Variants in ADAMTSL3 observed in about 807,000 individuals in gnomAD.
The protein encoded by ADAMTSL3 is ADAMTS like 3.
In ADAMTSL3, 128 loss-of-function variants were observed where a neutral mutation model predicts 201.7. The observed-to-expected ratio is 0.63, with a 90% CI of 0.55 to 0.73. The LOEUF is 0.73. ADAMTSL3 is among the 30% of genes least tolerant of loss of function. The pLI is 0.00. For missense variants in ADAMTSL3, 1,990 were observed against 2,119.6 expected, an observed-to-expected ratio of 0.94 and a Z score of 1.20; for synonymous variants, 738 against 748.4, an observed-to-expected ratio of 0.99 and a Z score of 0.23.
rs562963050 is a variant in ADAMTSL3 at position 83,782,816 on chromosome 15, C to A, written c.317+9166C>A. ...GTGACAAAATAATCTGTCCAACAAA[C>A]CCCCATGGGAAAAGTTTACCTATAT... On this transcript the variant is annotated intron_variant, in intron 4 of 29. Transcript: ENST00000286744. Among the ~76,000 whole-genome samples, 5 of 151,800 alleles carry A rather than the reference C, an allele frequency of 3.3e-5. No individual in the cohort carries two copies. In the South Asian group the frequency reaches 1.0e-3, roughly 31 times the overall value.
rs775563030 is a variant in ADAMTSL3, at chr15:83,874,473, G to T, written c.960+3514G>T. 4.9e-5 allele frequency among the ~76,000 whole-genome samples: 7 copies of T among 144,166 alleles called. 2 individuals are homozygous for T. The highest frequency in any genetic ancestry group is 7.5e-5 in the Non-Finnish European group (5 of 66,400). 94.6% of individuals were successfully genotyped at this position (144,166 alleles called of 152,430 possible). A position where few individuals can be genotyped will look rare whatever the true frequency, so the allele number is the denominator to read the frequency against. ...ATTTAGTGTACTCCTGACTGGCCAGGGGGTGACATGGTGCTGGCAAAATGA... is the reference window on the plus strand; with the variant it reads ...ATTTAGTGTACTCCTGACTGGCCAGTGGGTGACATGGTGCTGGCAAAATGA... On this transcript the variant is annotated intron_variant, in intron 9 of 29. Transcript: ENST00000286744.
At chr15:83,773,370 T>G (rs2063016528) in intron 3 of ADAMTSL3, among the ~76,000 whole-genome samples, 153 bp from the exon 4 acceptor site, 1 of 151,962 alleles carries the variant, frequency 6.6e-6, no homozygotes, top group South Asian at 2.1e-4. Context: ...ATTGTGCCAT[T>G]GCACTCCTGG....
At chr15:83,900,007 C>T (rs978137793) in intron 15 of ADAMTSL3, among the ~76,000 whole-genome samples, 1 of 152,164 alleles carries the variant, frequency 6.6e-6, no homozygotes, top group Non-Finnish European at 1.5e-5. Flanking sequence ...GGGATAATTT[C>T]TAGGTTTTAA....
intron 2 of ADAMTSL3, among the ~76,000 whole-genome samples, chr15:83,683,793 A>C (rs775031809): frequency 6.6e-6 from 1 of 151,898 alleles, no homozygotes; most frequent in Non-Finnish European, 1.5e-5. Flanking sequence ...CCCTTTCCAC[A>C]CTTGTCTCAT....
At chr15:83,970,747 C>A in intron 20 of ADAMTSL3, 110 bp downstream of exon 20, 1 of 1,372,810 alleles carries the variant, frequency 7.3e-7, no homozygotes, top group Non-Finnish European at 1.0e-6. Context: ...GGTAAGGCAA[C>A]TCAAGCTGTA....
At chr15:83,952,625 G>A (rs1179403602) in intron 19 of ADAMTSL3, among the ~76,000 whole-genome samples, 1 of 152,014 alleles carries the variant, frequency 6.6e-6, no homozygotes, top group Non-Finnish European at 1.5e-5. Flanking sequence ...GTGCTCCAGT[G>A]TTTAGTGCAT....
At chr15:83,930,431 C>T (rs898830127) in intron 17 of ADAMTSL3, among the ~76,000 whole-genome samples, 2 of 152,136 alleles carry the variant, frequency 1.3e-5, no homozygotes, top group Non-Finnish European at 2.9e-5. Flanking sequence ...CCATTGCCCA[C>T]CAAACCAGAA....
chr15:83,969,227 C>T (rs1309808788), intron 19 of ADAMTSL3, among the ~76,000 whole-genome samples: 5 of 152,078 alleles, frequency 3.3e-5, no homozygotes, highest in African/African-American at 9.7e-5. Flanking sequence ...AGGTGGATCA[C>T]GAGGTCAGGA....
rs534824304 is a variant in ADAMTSL3, at chr15:83,974,302, T to C, written c.2644+3665T>C. 3.9e-5 allele frequency among the ~76,000 whole-genome samples: 6 copies of C among 152,338 alleles called. No homozygotes were observed. The East Asian group carries it at 9.7e-4, about 25-fold the overall frequency. On this transcript the variant is annotated intron_variant, in intron 20 of 29. Transcript: ENST00000286744. ...GACACTGAGCAAGTTATTTAACCTA[T>C]GTGGGTCTCAGTTTTCTCATCTGTA... is the stretch of plus-strand genomic sequence containing the variant.
At position 83,829,106 on chromosome 15, in the gene ADAMTSL3, A is replaced by G. The variant is rs995225468; in HGVS notation, c.601-8983A>G. ...GAATAGTTTCAGAAGGAATGGTACC[A>G]GCTCCTCCTTGTACCTCTGGAAGAA... is the stretch of plus-strand genomic sequence containing the variant. On this transcript the variant is annotated intron_variant, in intron 6 of 29. Coordinates refer to ENST00000286744, the MANE Select transcript of ADAMTSL3 (RefSeq NM_207517.3). Among the ~76,000 whole-genome samples, 70 of 152,328 alleles carry G rather than the reference A, an allele frequency of 4.6e-4. 1 individual carries two copies. Among genetic ancestry groups the G allele is most frequent in the Admixed American group, 2.9e-3 (45 of 15,302 alleles).
At chr15:83,967,770 T>G (rs1001065018) in intron 19 of ADAMTSL3, among the ~76,000 whole-genome samples, 6 of 152,158 alleles carry the variant, frequency 3.9e-5, no homozygotes, top group Non-Finnish European at 8.8e-5. Flanking sequence ...TCATGCTACC[T>G]GACTTCAAAC....
chr15:83,664,263 C>T (rs1314961060), intron 2 of ADAMTSL3, among the ~76,000 whole-genome samples: 1 of 148,812 alleles, frequency 6.7e-6, no homozygotes, highest in African/African-American at 2.4e-5. Flanking sequence ...CTTTCTTTTT[C>T]TTTTCTTTTC....
chr15:83,693,635 C>G (rs1055853207), intron 2 of ADAMTSL3, among the ~76,000 whole-genome samples: 1 of 152,168 alleles, frequency 6.6e-6, no homozygotes, highest in Non-Finnish European at 1.5e-5. Flanking sequence ...GCCCTGAACA[C>G]TCTATTTAAA....
At chr15:83,848,151 C>T (rs1226225289) in intron 7 of ADAMTSL3, among the ~76,000 whole-genome samples, 1 of 150,518 alleles carries the variant, frequency 6.6e-6, no homozygotes, top group Non-Finnish European at 1.5e-5. Context: ...AAAAAAAACC[C>T]AACCAACTAA....
intron 2 of ADAMTSL3, among the ~76,000 whole-genome samples, chr15:83,669,625 G>A (rs559377664): frequency 2.7e-5 from 4 of 150,750 alleles, no homozygotes; most frequent in South Asian, 2.1e-4. Flanking sequence ...CCGCCACCAC[G>A]CCCGGCTAAT....
intron 20 of ADAMTSL3, among the ~76,000 whole-genome samples, chr15:83,973,975 G>T (rs866378465): frequency 6.6e-6 from 1 of 152,118 alleles, no homozygotes; most frequent in Non-Finnish European, 1.5e-5. Flanking sequence ...TGTGCAGCAG[G>T]TCCAAGTCAG....
chr15:83,820,604 T>C (rs556505120), intron 6 of ADAMTSL3, among the ~76,000 whole-genome samples: 43 of 152,244 alleles, frequency 2.8e-4, no homozygotes, highest in Non-Finnish European at 5.4e-4. Context: ...GAGTCTCTTA[T>C]TAAATTAAGC....
intron 3 of ADAMTSL3, among the ~76,000 whole-genome samples, chr15:83,743,473 A>G (rs2062490191): frequency 6.9e-6 from 1 of 143,908 alleles, no homozygotes; most frequent in African/African-American, 2.6e-5. Flanking sequence ...AGATTGCGCC[A>G]CTGCAGTCCG....
chr15:83,895,259 C>T (rs1278959385), intron 13 of ADAMTSL3, among the ~76,000 whole-genome samples: 2 of 152,176 alleles, frequency 1.3e-5, no homozygotes, highest in Non-Finnish European at 2.9e-5. Context: ...AATATCATCT[C>T]AGCTGCAAAA....
Sources: allele counts gnomAD v4.1 joint callset (sites outside exome capture counted in the v4.1 genomes callset), GRCh38; gene constraint gnomAD v4.1.1; transcripts MANE v1.5; gene names NCBI Gene and HGNC (gene_info 2026-07-23, HGNC 2026-07-21).